TLN2: variants seen among roughly 807,000 people sequenced by gnomAD.
TLN2 encodes the protein talin-2.
Under a neutral mutation model 294.7 loss-of-function variants are expected in TLN2, and 118 were observed. The ratio of observed to expected loss-of-function variants is 0.40; its 90% CI spans 0.34 to 0.47. TLN2 has a LOEUF of 0.47. Ranked by LOEUF, TLN2 falls within the 20% of genes least tolerant of loss-of-function variation. The probability of loss-of-function intolerance (pLI) is 0.84; values close to 1 mark genes in which losing one functional copy is unlikely to be tolerated. For synonymous variants in TLN2, 1,431 were observed against 1,304.5 expected (o/e 1.10, Z -2.09); for missense variants, 3,083 against 3,282.2 (o/e 0.94, Z 1.48).
At chr15:62,476,605 C>T (rs989670586) in intron 1 of TLN2, among the ~76,000 whole-genome samples, 2 of 152,158 alleles carry the variant, frequency 1.3e-5, no homozygotes, top group African/African-American at 4.8e-5. Context: ...GGTTTTGGGG[C>T]CTTCTGAATC....
chr15:62,839,098 T>C (rs1360977652), intron 58 of TLN2, 117 bp downstream of exon 58: 1 of 1,368,952 alleles, frequency 7.3e-7, no homozygotes, highest in Non-Finnish European at 9.9e-7. Flanking sequence ...GTACCAGAGA[T>C]GGTGTGGTGT....
At chr15:62,648,615 T>G (rs1392606856) in intron 4 of TLN2, among the ~76,000 whole-genome samples, 1 of 150,270 alleles carries the variant, frequency 6.7e-6, no homozygotes, top group Non-Finnish European at 1.5e-5. Context: ...CGATGTGATC[T>G]TGGCTCACTG....
At chr15:62,662,391 C>G (rs1201203154) in intron 9 of TLN2, among the ~76,000 whole-genome samples, 1 of 152,066 alleles carries the variant, frequency 6.6e-6, no homozygotes, top group East Asian at 1.9e-4. Flanking sequence ...AAAAGTAAAG[C>G]TCCTCTCCTT....
Position 62,702,778 on chromosome 15 carries a change from G to A in TLN2, c.1918G>A (p.Val640Ile), listed in dbSNP as rs765519659. ...QPTSGEPRQT[V>I]LTAAGSIGQA... Reference sequence around the variant, plus strand: ...TGTTTGTTCACAGCCTCGACAGACAGTTTTGACTGCTGCTGGCAGCATCGG... The same window carrying A: ...TGTTTGTTCACAGCCTCGACAGACAATTTTGACTGCTGCTGGCAGCATCGG... Residue 640 changes from valine (V) to isoleucine (I), a missense_variant, in exon 19 of 59, where the codon GTT (valine) becomes ATT (isoleucine). By Grantham distance (29) the Val-to-Ile change is conservative. Transcript: ENST00000636159. The A allele has an allele frequency of 8.1e-6, 13 of 1,614,170 alleles. No homozygotes were observed. The highest frequency in any genetic ancestry group is 1.6e-4 in the Middle Eastern group (1 of 6,062).
chr15:62,489,426 C>G lies in TLN2; in HGVS notation c.-238+98741C>G, dbSNP rs944210127. 2.6e-5 allele frequency among the ~76,000 whole-genome samples: 4 copies of G among 152,298 alleles called. No individual in the cohort carries two copies. In the South Asian group the frequency reaches 8.3e-4, roughly 32 times the overall value. On this transcript the variant is annotated intron_variant, in intron 1 of 58. Transcript: ENST00000636159. The stretch of plus-strand genomic sequence containing the variant: ...TTAAAAATAACGCTGTGCAACCATT[C>G]CCTTCTAAGAAACCTTCCCTGAAAC...
intron 32 of TLN2, among the ~76,000 whole-genome samples, chr15:62,746,533 TTTGAAA>T (rs1198769153): frequency 3.3e-5 from 5 of 152,246 alleles, no homozygotes; most frequent in Non-Finnish European, 7.3e-5. Context: ...CCTAGCTCAA[TTTGAAA>T]TTGAAAGCAG....
Position 62,702,801 on chromosome 15 carries a change from C to G in TLN2, c.1941C>G (p.Ile647Met), listed in dbSNP as rs767686811. ...RQTVLTAAGS[I>M]GQASGDLLRQ... is the part of the protein sequence containing the mutation. ...CAGTTTTGACTGCTGCTGGCAGCAT[C>G]GGACAAGCCAGTGGGGATCTTCTGA... Residue 647 changes from isoleucine to methionine, a missense_variant, in exon 19 of 59, where the codon ATC becomes ATG. Coordinates refer to ENST00000636159, the MANE Select transcript of TLN2 (RefSeq NM_015059.3). The G allele has an allele frequency of 1.2e-6, 2 of 1,614,028 alleles. No individual in the cohort carries two copies. The highest frequency in any genetic ancestry group is 1.7e-6 in the Non-Finnish European group (2 of 1,180,024).
In TLN2 at chr15:62,712,149, A is replaced by G. The variant is rs937242886; in HGVS notation, c.2634+72A>G. ...TTAGGATTTGGAAGGTACTTTCCAGATGGGGCATGGTCATCCGAGTGTGCA... is the reference window on the plus strand; with the variant it reads ...TTAGGATTTGGAAGGTACTTTCCAGGTGGGGCATGGTCATCCGAGTGTGCA... On this transcript the variant is annotated intron_variant, in intron 22 of 58. Transcript: ENST00000636159. 6 of 1,555,676 alleles carry G rather than the reference A, an allele frequency of 3.9e-6. No individual in the cohort carries two copies. The African/African-American group carries it at 5.4e-5, about 14-fold the overall frequency.
At chr15:62,410,872 G>A (rs1415360620) in intron 1 of TLN2, among the ~76,000 whole-genome samples, 1 of 152,172 alleles carries the variant, frequency 6.6e-6, no homozygotes, top group Admixed American at 6.5e-5. Context: ...TGACTCCTAG[G>A]CCAGTGCCCT....
chr15:62,456,293 A>G (rs1458502507), intron 1 of TLN2, among the ~76,000 whole-genome samples: 1 of 152,120 alleles, frequency 6.6e-6, no homozygotes, highest in Non-Finnish European at 1.5e-5. Context: ...CCTACTTCCT[A>G]GCAATTTGAC....
At chr15:62,740,040 G>GTT (rs1446897400) in intron 31 of TLN2, among the ~76,000 whole-genome samples, 16 of 131,810 alleles carry the variant, frequency 1.2e-4, no homozygotes, top group African/African-American at 2.3e-4. Flanking sequence ...GCAGAGCTGT[G>GTT]TTTTTTGTTT....
At chr15:62,554,290 A>G (rs2042484939) in intron 1 of TLN2, among the ~76,000 whole-genome samples, 1 of 150,208 alleles carries the variant, frequency 6.7e-6, no homozygotes, top group Non-Finnish European at 1.5e-5. Context: ...GGGACTATTT[A>G]ATAGTATGAA....
At chr15:62,707,299 T>C (rs758819239) in intron 20 of TLN2, 46 bp downstream of exon 20, 1 of 1,536,476 alleles carries the variant, frequency 6.5e-7, no homozygotes, top group African/African-American at 1.4e-5. Flanking sequence ...TATCACCTGC[T>C]GTTACCTGCC....
chr15:62,753,866 A>G lies in TLN2; in HGVS notation c.4426A>G (p.Ile1476Val). 2 of 1,611,208 alleles carry G rather than the reference A, an allele frequency of 1.2e-6. No homozygotes were observed. Among genetic ancestry groups the G allele is most frequent in the Non-Finnish European group, 1.7e-6 (2 of 1,178,806 alleles). ...CCAGTTTGCCAGGGCTAACCAGGCC[A>G]TCCAGATGGCATGCCAGAACTTGGT... ...PIQFARANQA[I>V]QMACQNLVDP... The change falls in exon 36 of 59, where the codon ATC becomes GTC. Residue 1476 changes from isoleucine to valine, a missense_variant. Coordinates refer to ENST00000636159, the MANE Select transcript of TLN2 (RefSeq NM_015059.3).
intron 1 of TLN2, among the ~76,000 whole-genome samples, chr15:62,524,474 G>C (rs905187232): frequency 8.5e-5 from 13 of 152,196 alleles, no homozygotes; most frequent in African/African-American, 3.1e-4. Context: ...GCTGGGCTCA[G>C]AAGCAAGCGA....
At chr15:62,491,351 TACACACACACACACACAC>T (rs1166046640) in intron 1 of TLN2, among the ~76,000 whole-genome samples, 25 of 100,304 alleles carry the variant, frequency 2.5e-4, no homozygotes, top group Middle Eastern at 5.3e-3. Flanking sequence ...TATATATATA[TACACACACACACACACAC>T]ACACACACAC....
At chr15:62,663,489 A>G (rs71393109) in intron 9 of TLN2, among the ~76,000 whole-genome samples, 3,958 of 151,998 alleles carry the variant, frequency 0.026, 77 homozygotes, top group Non-Finnish European at 0.043. Flanking sequence ...ACAAACTGTC[A>G]TTAGTTGCAG....
rs372267811 is a variant in TLN2, at chr15:62,425,332, C to T, written c.-238+34647C>T. ...GAGCACCCCTGGGGAATACTGCCTG[C>T]GGTTGATCTCCAGCAGATTCTCTTG... is the stretch of plus-strand genomic sequence containing the variant. On this transcript the variant is annotated intron_variant, in intron 1 of 58. Coordinates refer to ENST00000636159, the MANE Select transcript of TLN2 (RefSeq NM_015059.3). Among the ~76,000 whole-genome samples, 104 of 152,264 alleles carry T rather than the reference C, an allele frequency of 6.8e-4. 1 individual carries two copies. Among genetic ancestry groups the T allele is most frequent in the African/African-American group, 2.4e-3 (99 of 41,566 alleles).
intron 52 of TLN2, among the ~76,000 whole-genome samples, chr15:62,816,467 C>T (rs530076962): frequency 1.3e-5 from 2 of 152,294 alleles, no homozygotes; most frequent in African/African-American, 4.8e-5. Flanking sequence ...GACTTAATGG[C>T]AGAATAAAAA....
Sources: gnomAD v4.1 joint callset for allele counts (sites outside exome capture counted in the v4.1 genomes callset) on GRCh38, gnomAD v4.1.1 for gene constraint, MANE v1.5 for transcripts, NCBI Gene and HGNC (gene_info 2026-07-23, HGNC 2026-07-21) for gene names.